Variants in TGFBR1 observed in about 807,000 individuals in gnomAD.
TGFBR1 encodes the protein transforming growth factor beta receptor 1, also known as TGF-beta receptor type-1.
A neutral mutation model predicts 55.1 loss-of-function variants in TGFBR1; 20 were observed. The ratio of observed to expected loss-of-function variants is 0.36; its 90% CI spans 0.26 to 0.53. The LOEUF is 0.53. Ranked by LOEUF, TGFBR1 falls within the 20% of genes least tolerant of loss-of-function variation. The probability of loss-of-function intolerance (pLI) is 0.91; values close to 1 mark genes in which losing one functional copy is unlikely to be tolerated. For synonymous variants in TGFBR1, 220 were observed against 214.8 expected (o/e 1.02, Z -0.21); for missense variants, 385 against 617.6 (o/e 0.62, Z 3.99).
At chr9:99,105,425 C>A in intron 1 of TGFBR1, 123 bp downstream of exon 1, 1 of 850,854 alleles carries the variant, frequency 1.2e-6, no homozygotes, top group Non-Finnish European at 1.4e-6. Context: ...GCGCCGGGGC[C>A]CGGGCCGGGC....
At chr9:99,136,036 T>C (rs1588583618) in intron 3 of TGFBR1, among the ~76,000 whole-genome samples, 2 of 151,900 alleles carry the variant, frequency 1.3e-5, no homozygotes, top group Admixed American at 1.3e-4. Context: ...TGTATATTTA[T>C]TAGAGACCAG....
intron 1 of TGFBR1, among the ~76,000 whole-genome samples, chr9:99,124,201 A>G (rs1248893692): frequency 1.3e-5 from 2 of 152,170 alleles, no homozygotes; most frequent in East Asian, 1.9e-4. Context: ...GCAGCAGAGT[A>G]GAAACACTTT....
rs1179134850 is a variant in TGFBR1 at position 99,150,542 on chromosome 9, T to TA, written c.*1238dup. ...AGATGTGCAAGAAAGTCACATTTGTTATGTATGTAGGAGTAAACGTTCGGT... is the reference window on the plus strand; with the variant it reads ...AGATGTGCAAGAAAGTCACATTTGTTAATGTATGTAGGAGTAAACGTTCGGT... On this transcript the variant is annotated 3_prime_UTR_variant, in exon 9 of 9. Transcript: ENST00000374994. The TA allele has an allele frequency of 1.4e-5, 3 of 215,554 alleles. No homozygotes were observed. The highest frequency in any genetic ancestry group is 6.8e-5 in the African/African-American group (3 of 44,428). 13.4% of individuals were successfully genotyped at this position (215,554 alleles called of 1,614,324 possible).
intron 2 of TGFBR1, among the ~76,000 whole-genome samples, chr9:99,129,626 C>T (rs527619643): frequency 2.6e-5 from 4 of 152,248 alleles, no homozygotes; most frequent in African/African-American, 7.2e-5. Context: ...GGGCTGGGTG[C>T]GGTGGCTCAT....
intron 1 of TGFBR1, among the ~76,000 whole-genome samples, chr9:99,110,101 C>CTTGTAA (rs1237185039): frequency 1.3e-5 from 2 of 152,098 alleles, no homozygotes; most frequent in African/African-American, 4.8e-5. Context: ...GGTTGGTAGA[C>CTTGTAA]TTGTAATTAT....
chr9:99,108,573 T>G (rs1044370972), intron 1 of TGFBR1, among the ~76,000 whole-genome samples: 1 of 152,172 alleles, frequency 6.6e-6, no homozygotes, highest in Non-Finnish European at 1.5e-5. Flanking sequence ...TTGGACACTT[T>G]AGGACTTACA....
At position 99,105,217 on chromosome 9, in the gene TGFBR1, G is replaced by A. The variant is rs1365442897; in HGVS notation, c.12G>A (p.Ala4=). Residue 4 remains alanine (A), a synonymous_variant, in exon 1 of 9, where the codon GCG becomes GCA. Transcript: ENST00000374994. ...GTGGCGGCGGGACCATGGAGGCGGC[G>A]GTCGCTGCTCCGCGTCCCCGGCTGC... MEA[A]VAAPRPRLLL... is the part of the protein sequence containing the mutation. 8.3e-6 allele frequency: 9 copies of A among 1,080,898 alleles called. No individual in the cohort carries two copies. The highest frequency in any genetic ancestry group is 1.0e-5 in the Non-Finnish European group (9 of 894,498). 67.0% of individuals were successfully genotyped at this position (1,080,898 alleles called of 1,614,324 possible).
intron 3 of TGFBR1, 135 bp from the exon 4 acceptor site, chr9:99,137,723 AT>A: frequency 1.5e-6 from 1 of 669,762 alleles, no homozygotes; most frequent in Non-Finnish European, 2.7e-6. Context: ...CAAATATAAT[AT>A]CTCCCCAGTG....
intron 2 of TGFBR1, among the ~76,000 whole-genome samples, chr9:99,129,592 G>A (rs1827153373): frequency 1.3e-5 from 2 of 152,124 alleles, no homozygotes; most frequent in Non-Finnish European, 2.9e-5. Flanking sequence ...TCCTTCACCT[G>A]TAGTTTACAT....
intron 2 of TGFBR1, among the ~76,000 whole-genome samples, chr9:99,131,253 G>A (rs1827214696): frequency 6.6e-6 from 1 of 150,968 alleles, no homozygotes; most frequent in Admixed American, 6.6e-5. Flanking sequence ...AAATATCAAA[G>A]GGCAAATGGA....
At position 99,150,458 on chromosome 9, in the gene TGFBR1, AT is replaced by A. The variant is rs1190699372; in HGVS notation, c.*1155del. 4.7e-6 allele frequency: 1 copy of A among 212,294 alleles called. No individual in the cohort carries two copies. The highest frequency in any genetic ancestry group is 5.9e-5 in the Admixed American group (1 of 17,072). The allele number at this position is 212,294 out of a possible 1,614,324, so 13.2% of individuals were successfully genotyped here. ...CATTTAAAATTAGAATATGGTTAAT[AT>A]TAAATAATAGGCCTTTTTCTAGGAA... On this transcript the variant is annotated 3_prime_UTR_variant, in exon 9 of 9. Transcript: ENST00000374994.
At position 99,147,722 on chromosome 9, in the gene TGFBR1, A is replaced by G. The variant is rs778579239; in HGVS notation, c.1324A>G (p.Arg442Gly). 1 of 1,613,888 alleles carries G rather than the reference A, an allele frequency of 6.2e-7. No individual in the cohort carries two copies. ...TTCTGACCCATCAGTTGAAGAAATG[A>G]GAAAAGTTGTTTGTGAACAGAAGTT... ...VPSDPSVEEM[R>G]KVVCEQKLRP... is the part of the protein sequence containing the mutation. Residue 442 changes from arginine (R) to glycine (G), a missense_variant, in exon 8 of 9, where the codon AGA becomes GGA. Physicochemically the swap from Arg to Gly is moderately radical, Grantham distance 125. Coordinates refer to ENST00000374994, the MANE Select transcript of TGFBR1 (RefSeq NM_004612.4).
At chr9:99,120,845 T>G (rs1826877122) in intron 1 of TGFBR1, among the ~76,000 whole-genome samples, 1 of 152,236 alleles carries the variant, frequency 6.6e-6, no homozygotes, top group African/African-American at 2.4e-5. Flanking sequence ...CAGATCTTTA[T>G]GCTGTACTTG....
chr9:99,112,228 A>G (rs1473494809), intron 1 of TGFBR1, among the ~76,000 whole-genome samples: 1 of 152,130 alleles, frequency 6.6e-6, no homozygotes, highest in African/African-American at 2.4e-5. Flanking sequence ...TGAAATGGTG[A>G]CTGTATGACA....
chr9:99,150,341 T>G lies in TGFBR1; in HGVS notation c.*1036T>G, dbSNP rs201098935. ...AGACTAATTTTTCTAAAAGGGAAAG[T>G]CTGTCTAGCTGCTTGTGAAAAGTTA... On this transcript the variant is annotated 3_prime_UTR_variant, in exon 9 of 9. Coordinates refer to ENST00000374994, the MANE Select transcript of TGFBR1 (RefSeq NM_004612.4). The G allele has an allele frequency of 1.5e-5, 3 of 202,566 alleles. No homozygotes were observed. The highest frequency in any genetic ancestry group is 3.1e-5 in the Non-Finnish European group (3 of 98,304). The allele number at this position is 202,566 out of a possible 1,614,324, so 12.5% of individuals were successfully genotyped here.
rs202239214 is a variant in TGFBR1 at position 99,151,827 on chromosome 9, G to A, written c.*2522G>A. The A allele has an allele frequency of 3.8e-5, 8 of 212,932 alleles. No individual in the cohort carries two copies. Among genetic ancestry groups the A allele is most frequent in the Admixed American group, 2.4e-4 (4 of 17,016 alleles). The allele number at this position is 212,932 out of a possible 1,614,324, so 13.2% of individuals were successfully genotyped here. Reference sequence around the variant, plus strand: ...GGTGGGATGGATCATGATTACTGTCGATAACTGCAGATAAATTTGATTAGA... The same window carrying A: ...GGTGGGATGGATCATGATTACTGTCAATAACTGCAGATAAATTTGATTAGA... On this transcript the variant is annotated 3_prime_UTR_variant, in exon 9 of 9. Transcript: ENST00000374994.
rs1827930286 is a variant in TGFBR1, at chr9:99,149,856, CAT to C, written c.*553_*554del. The C allele has an allele frequency of 4.6e-6, 1 of 216,526 alleles. No individual in the cohort carries two copies. The highest frequency in any genetic ancestry group is 2.3e-5 in the African/African-American group (1 of 44,266). 13.4% of individuals were successfully genotyped at this position (216,526 alleles called of 1,614,324 possible). On this transcript the variant is annotated 3_prime_UTR_variant, in exon 9 of 9. Transcript: ENST00000374994. ...AATGACCTCATATAGTAGTGAGGAA[CAT>C]AATTCATGCAATTGTATTTTGTATA...
chr9:99,132,997 AC>A (rs1827294333), intron 3 of TGFBR1, among the ~76,000 whole-genome samples: 1 of 152,196 alleles, frequency 6.6e-6, no homozygotes, highest in Non-Finnish European at 1.5e-5. Flanking sequence ...AAGCGTTCTC[AC>A]TTGTATAATC....
chr9:99,146,917 A>G (rs1040413766), intron 7 of TGFBR1, among the ~76,000 whole-genome samples: 2 of 152,142 alleles, frequency 1.3e-5, no homozygotes, highest in African/African-American at 4.8e-5. Context: ...AGGCTCACCT[A>G]GGAAGCTGTT....
Sources: allele counts gnomAD v4.1 joint callset (sites outside exome capture counted in the v4.1 genomes callset), GRCh38; gene constraint gnomAD v4.1.1; transcripts MANE v1.5; gene names NCBI Gene and HGNC (gene_info 2026-07-23, HGNC 2026-07-21).